Variants in PREX2 observed in about 807,000 individuals in gnomAD.
The protein encoded by PREX2 is phosphatidylinositol 3,4,5-trisphosphate-dependent Rac exchanger 2 protein.
PREX2 carries 107 observed loss-of-function variants against 203.2 expected under a neutral mutation model. That is an observed-to-expected ratio of 0.53 (90% CI 0.45 to 0.62). The LOEUF is 0.62. PREX2 is among the 20% of genes least tolerant of loss of function. PREX2 has a pLI of 0.00. For synonymous variants in PREX2, 672 were observed against 663.6 expected, an observed-to-expected ratio of 1.01 and a Z score of -0.19; for missense variants, 1,777 against 1,955.9, an observed-to-expected ratio of 0.91 and a Z score of 1.72.
At chr8:68,005,147 C>T (rs111270839) in intron 1 of PREX2, among the ~76,000 whole-genome samples, 4 of 152,256 alleles carry the variant, frequency 2.6e-5, no homozygotes, top group South Asian at 2.1e-4. Context: ...TCTCCCATAC[C>T]GGTAAATGCA....
chr8:68,047,542 T>C (rs903673493), intron 8 of PREX2, among the ~76,000 whole-genome samples: 22 of 146,646 alleles, frequency 1.5e-4, no homozygotes, highest in Admixed American at 1.3e-3. Flanking sequence ...TTTTTAAGCA[T>C]GCTTAGAACT....
intron 11 of PREX2, 81 bp from the exon 12 acceptor site, chr8:68,068,952 A>T (rs1003111822): frequency 3.8e-6 from 2 of 531,650 alleles, no homozygotes; most frequent in South Asian, 4.1e-5. Context: ...TTTGGGAATA[A>T]GTATTTAATA....
Position 68,108,173 on chromosome 8 carries a change from C to T in PREX2, c.2780C>T (p.Pro927Leu). The T allele has an allele frequency of 6.2e-7, 1 of 1,613,942 alleles. No homozygotes were observed. The highest frequency in any genetic ancestry group is 2.2e-5 in the East Asian group (1 of 44,864). ...AAACAGGCCAAATCTAAAATCTCCC[C>T]ACTGCACAGCAGTGATTTCTGCCCT... Reference protein sequence around the residue: ...TFKQAKSKISPLHSSDFCPTN... With the variant: ...TFKQAKSKISLLHSSDFCPTN... The change falls in exon 24 of 40, where the codon CCA becomes CTA. Residue 927 changes from proline (P) to leucine (L), a missense_variant. Pro to Leu is a moderately conservative substitution (Grantham distance 98). Coordinates refer to ENST00000288368, the MANE Select transcript of PREX2 (RefSeq NM_024870.4).
intron 8 of PREX2, among the ~76,000 whole-genome samples, chr8:68,050,882 G>A (rs1285945848): frequency 6.6e-6 from 1 of 152,160 alleles, no homozygotes; most frequent in African/African-American, 2.4e-5. Flanking sequence ...AGGACAGCCA[G>A]GAGAGCAGCA....
intron 39 of PREX2, among the ~76,000 whole-genome samples, chr8:68,227,790 T>C (rs548948285): frequency 1.4e-4 from 21 of 152,234 alleles, no homozygotes; most frequent in African/African-American, 5.1e-4. Context: ...TATAATAATT[T>C]AGGAAATCAG....
intron 7 of PREX2, among the ~76,000 whole-genome samples, chr8:68,043,391 A>AT (rs11443850): frequency 0.19 from 28,111 of 151,808 alleles, 2,658 homozygotes; most frequent in African/African-American, 0.22. Flanking sequence ...GGAATATGCA[A>AT]TTTTTTTCCA....
chr8:68,067,502 A>T, intron 11 of PREX2, among the ~76,000 whole-genome samples: 1 of 151,542 alleles, frequency 6.6e-6, no homozygotes, highest in African/African-American at 2.4e-5. Context: ...TTTTTATTCT[A>T]TTTTAAATGT....
rs1227517753 is a variant in PREX2, at chr8:67,964,240, A to T, written c.141+11705A>T. Among the ~76,000 whole-genome samples, 9 of 152,122 alleles carry T rather than the reference A, an allele frequency of 5.9e-5. No homozygotes were observed. The East Asian group carries it at 1.7e-3, about 29-fold the overall frequency. On this transcript the variant is annotated intron_variant, in intron 1 of 39. Transcript: ENST00000288368. The stretch of plus-strand genomic sequence containing the variant: ...CCCAGAAATGACACACATCACTTTC[A>T]CTCTCATCCCCACGACCAGATCTTT...
At chr8:68,222,434 CA>C (rs111810920) in intron 38 of PREX2, among the ~76,000 whole-genome samples, 2,489 of 76,948 alleles carry the variant, frequency 0.032, 32 homozygotes, top group African/African-American at 0.077. Context: ...ACAATTTTAG[CA>C]AAAAAAAAAA....
At position 68,186,430 on chromosome 8, in the gene PREX2, A is replaced by G. The variant is rs557385028; in HGVS notation, c.4347-5292A>G. Among the ~76,000 whole-genome samples the G allele has an allele frequency of 1.1e-4, 17 of 152,334 alleles. No individual in the cohort carries two copies. The South Asian group carries it at 3.3e-3, about 30-fold the overall frequency. ...AACGTTTGTCTTTTAAGAGTATTTT[A>G]AATGTTTTAAAAAATGTGTAAAAAA... is the stretch of plus-strand genomic sequence containing the variant. On this transcript the variant is annotated intron_variant, in intron 35 of 39. Coordinates refer to ENST00000288368, the MANE Select transcript of PREX2 (RefSeq NM_024870.4).
chr8:67,971,309 A>G (rs901611655), intron 1 of PREX2, among the ~76,000 whole-genome samples: 6 of 152,166 alleles, frequency 3.9e-5, no homozygotes, highest in African/African-American at 9.7e-5. Context: ...AAGCTCAACA[A>G]AAGTCAGAAA....
intron 32 of PREX2, among the ~76,000 whole-genome samples, chr8:68,135,093 C>G (rs1811087439): frequency 1.9e-5 from 1 of 53,964 alleles, no homozygotes; most frequent in African/African-American, 6.4e-5. Flanking sequence ...AGCTTAAAAA[C>G]AAATTTTGTG....
chr8:68,193,589 C>A (rs1812338560), intron 37 of PREX2, among the ~76,000 whole-genome samples: 2 of 152,054 alleles, frequency 1.3e-5, no homozygotes, highest in African/African-American at 4.8e-5. Context: ...AAAAAAATTT[C>A]AAAAATATTA....
At chr8:68,083,829 G>A (rs1164356474) in intron 18 of PREX2, among the ~76,000 whole-genome samples, 3 of 152,162 alleles carry the variant, frequency 2.0e-5, no homozygotes, top group Non-Finnish European at 4.4e-5. Context: ...ATACTTGCAT[G>A]TGCTTAGTAA....
At chr8:68,214,219 G>A (rs943544212) in intron 37 of PREX2, among the ~76,000 whole-genome samples, 6 of 152,100 alleles carry the variant, frequency 3.9e-5, no homozygotes, top group Non-Finnish European at 7.4e-5. Context: ...GGGCAAAATA[G>A]TGAGAACCCA....
chr8:68,109,751 C>T, intron 25 of PREX2, 128 bp downstream of exon 25: 1 of 710,732 alleles, frequency 1.4e-6, no homozygotes. Flanking sequence ...TTATATAGAT[C>T]CTCTTCATTC....
At chr8:68,081,368 C>T (rs1037270411) in intron 17 of PREX2, among the ~76,000 whole-genome samples, 1 of 152,122 alleles carries the variant, frequency 6.6e-6, no homozygotes, top group Non-Finnish European at 1.5e-5. Flanking sequence ...TCCTGTCAGG[C>T]CTTGGACCCA....
In PREX2 at chr8:68,006,292, C is replaced by T. The variant is rs188936143; in HGVS notation, c.142-11554C>T. Among the ~76,000 whole-genome samples, 88 of 152,274 alleles carry T rather than the reference C, an allele frequency of 5.8e-4. 1 individual carries two copies. Among genetic ancestry groups the T allele is most frequent in the Admixed American group, 3.7e-3 (57 of 15,290 alleles). Reference sequence around the variant, plus strand: ...GGATGAAGGGAGGCACCAGTTTCCCCGCTGAGATGCAGTATAACCTGTCTC... The same window carrying T: ...GGATGAAGGGAGGCACCAGTTTCCCTGCTGAGATGCAGTATAACCTGTCTC... On this transcript the variant is annotated intron_variant, in intron 1 of 39. Coordinates refer to ENST00000288368, the MANE Select transcript of PREX2 (RefSeq NM_024870.4).
intron 32 of PREX2, among the ~76,000 whole-genome samples, chr8:68,135,097 TTTTG>T (rs1811088045): frequency 1.1e-5 from 1 of 94,646 alleles, no homozygotes; most frequent in South Asian, 4.5e-4. Context: ...TAAAAACAAA[TTTTG>T]TGTGTGTGTG....
Sources: gnomAD v4.1 joint callset for allele counts (sites outside exome capture counted in the v4.1 genomes callset) on GRCh38, gnomAD v4.1.1 for gene constraint, MANE v1.5 for transcripts, NCBI Gene and HGNC (gene_info 2026-07-23, HGNC 2026-07-21) for gene names.